DOCK3: variants seen among roughly 807,000 people sequenced by gnomAD.
DOCK3 encodes dedicator of cytokinesis protein 3.
Under a neutral mutation model 265.6 loss-of-function variants are expected in DOCK3, and 60 were observed. The ratio of observed to expected loss-of-function variants is 0.23; its 90% confidence interval spans 0.18 to 0.28. The LOEUF is 0.28. DOCK3 is among the 10% of genes least tolerant of loss of function. The pLI is 1.00. For missense variants in DOCK3, 1,981 were observed against 2,594.3 expected (o/e 0.76, Z 5.14); for synonymous variants, 881 against 938.0 (o/e 0.94, Z 1.11).
At chr3:50,848,743 G>T (rs922462788) in intron 3 of DOCK3, among the ~76,000 whole-genome samples, 1 of 152,116 alleles carries the variant, frequency 6.6e-6, no homozygotes, top group Non-Finnish European at 1.5e-5. Flanking sequence ...CATTGACCTT[G>T]TTCAGTCTTA....
intron 1 of DOCK3, among the ~76,000 whole-genome samples, chr3:50,692,085 AT>A (rs1254828811): frequency 6.6e-6 from 1 of 151,318 alleles, no homozygotes; most frequent in Non-Finnish European, 1.5e-5. Context: ...TAGCTAATTT[AT>A]TTTTTATTTT....
chr3:51,012,348 G>A (rs2078985936), intron 5 of DOCK3, among the ~76,000 whole-genome samples: 1 of 152,138 alleles, frequency 6.6e-6, no homozygotes, highest in Non-Finnish European at 1.5e-5. Flanking sequence ...CTCAGCAATG[G>A]CAGGCACCCT....
intron 22 of DOCK3, among the ~76,000 whole-genome samples, chr3:51,259,723 TGAG>T (rs1443763983): frequency 6.6e-6 from 1 of 152,232 alleles, no homozygotes; most frequent in Non-Finnish European, 1.5e-5. Flanking sequence ...CTCCTAAGTC[TGAG>T]GATTCCTCAG....
Position 51,227,564 on chromosome 3 carries a change from C to A in DOCK3, c.1540+119C>A. 5.0e-6 allele frequency: 7 copies of A among 1,404,734 alleles called. No homozygotes were observed. The South Asian group carries it at 8.5e-5, about 17-fold the overall frequency. 87.0% of individuals were successfully genotyped at this position (1,404,734 alleles called of 1,614,324 possible). On this transcript the variant is annotated intron_variant, in intron 16 of 52. Coordinates refer to ENST00000266037, the MANE Select transcript of DOCK3 (RefSeq NM_004947.5). ...AAGAAAATGAAGAGTTAGGAATAAA[C>A]AGCTACTCAGAGATGGGATGTCACC... is the stretch of plus-strand genomic sequence containing the variant.
intron 7 of DOCK3, among the ~76,000 whole-genome samples, chr3:51,081,588 T>C (rs957175565): frequency 2.6e-5 from 4 of 152,030 alleles, no homozygotes; most frequent in Admixed American, 6.5e-5. Context: ...TACACAGATA[T>C]AAGTGTGAGT....
intron 1 of DOCK3, among the ~76,000 whole-genome samples, chr3:50,762,005 G>A (rs2040561699): frequency 6.6e-6 from 1 of 152,036 alleles, no homozygotes; most frequent in African/African-American, 2.4e-5. Flanking sequence ...CTATCGCAAG[G>A]ACAGAAAACC....
chr3:50,878,748 C>T (rs1278753187), intron 3 of DOCK3, among the ~76,000 whole-genome samples: 1 of 152,038 alleles, frequency 6.6e-6, no homozygotes, highest in Non-Finnish European at 1.5e-5. Context: ...GCAAGGCAGG[C>T]CAACATTCAA....
intron 9 of DOCK3, among the ~76,000 whole-genome samples, chr3:51,097,257 G>A (rs1326696213): frequency 6.6e-6 from 1 of 152,192 alleles, no homozygotes; most frequent in Non-Finnish European, 1.5e-5. Context: ...AGTTTGTTCT[G>A]TAAGGCCCTG....
chr3:50,762,803 A>G (rs1247385519), intron 1 of DOCK3, among the ~76,000 whole-genome samples: 3 of 152,000 alleles, frequency 2.0e-5, no homozygotes, highest in African/African-American at 7.3e-5. Context: ...ATGTGTAATC[A>G]TCTTTATGTG....
At chr3:50,890,690 A>G (rs994734122) in intron 4 of DOCK3, among the ~76,000 whole-genome samples, 9 of 152,130 alleles carry the variant, frequency 5.9e-5, no homozygotes, top group Non-Finnish European at 1.3e-4. Context: ...ATTTTAAAAC[A>G]TAAAATTTAG....
intron 22 of DOCK3, among the ~76,000 whole-genome samples, chr3:51,259,147 T>C (rs1429252894): frequency 6.6e-6 from 1 of 152,212 alleles, no homozygotes; most frequent in Non-Finnish European, 1.5e-5. Context: ...TACAGAATCA[T>C]CTGGTACAAG....
chr3:50,879,642 G>T (rs2047921563), intron 3 of DOCK3, among the ~76,000 whole-genome samples: 1 of 152,118 alleles, frequency 6.6e-6, no homozygotes, highest in Non-Finnish European at 1.5e-5. Flanking sequence ...AGTCCTTAGA[G>T]ACCTACAAAG....
chr3:51,242,766 G>A (rs1253463345), intron 21 of DOCK3, among the ~76,000 whole-genome samples: 1 of 152,084 alleles, frequency 6.6e-6, no homozygotes, highest in Non-Finnish European at 1.5e-5. Context: ...AATGGTGGTG[G>A]GAGCAGGGGA....
intron 4 of DOCK3, among the ~76,000 whole-genome samples, chr3:50,900,450 A>G (rs1325811630): frequency 2.6e-5 from 4 of 152,070 alleles, no homozygotes; most frequent in Non-Finnish European, 5.9e-5. Flanking sequence ...GGAGTTTGTT[A>G]TTACCCACCT....
At chr3:50,717,754 C>T (rs960638283) in intron 1 of DOCK3, among the ~76,000 whole-genome samples, 1 of 152,134 alleles carries the variant, frequency 6.6e-6, no homozygotes. Context: ...TCCCGAGTAG[C>T]TGGGATTACA....
At chr3:51,171,290 G>A (rs2086666808) in intron 12 of DOCK3, among the ~76,000 whole-genome samples, 1 of 152,070 alleles carries the variant, frequency 6.6e-6, no homozygotes, top group African/African-American at 2.4e-5. Flanking sequence ...TGACCCATTA[G>A]TTGTTCAAGA....
chr3:51,325,938 G>A (rs1042981894), intron 32 of DOCK3, among the ~76,000 whole-genome samples: 4 of 152,026 alleles, frequency 2.6e-5, no homozygotes, highest in African/African-American at 9.7e-5. Flanking sequence ...GGGAGGGATA[G>A]CATTAGAAGA....
At chr3:51,181,895 G>A (rs2087317352) in intron 12 of DOCK3, among the ~76,000 whole-genome samples, 2 of 152,166 alleles carry the variant, frequency 1.3e-5, no homozygotes, top group South Asian at 2.1e-4. Context: ...TTGGGATGGG[G>A]CCCAACAATT....
intron 5 of DOCK3, among the ~76,000 whole-genome samples, chr3:50,981,500 T>G (rs1412914700): frequency 6.6e-6 from 1 of 152,244 alleles, no homozygotes; most frequent in Non-Finnish European, 1.5e-5. Context: ...GTTTCTTTGT[T>G]GATTTTATGT....
Sources: gnomAD v4.1 joint callset for allele counts (sites outside exome capture counted in the v4.1 genomes callset) on GRCh38, gnomAD v4.1.1 for gene constraint, MANE v1.5 for transcripts, NCBI Gene and HGNC (gene_info 2026-07-23, HGNC 2026-07-21) for gene names.